Variants in SLC24A3 observed in about 807,000 individuals in gnomAD.
The protein encoded by SLC24A3 is solute carrier family 24 member 3, also known as sodium/potassium/calcium exchanger 3.
SLC24A3 carries 28 observed loss-of-function variants against 75.8 expected under a neutral mutation model. That is an observed-to-expected ratio of 0.37 (90% CI 0.27 to 0.51). The LOEUF is 0.51. SLC24A3 is among the 20% of genes least tolerant of loss of function. The pLI is 0.94. For synonymous variants in SLC24A3, 372 were observed against 334.1 expected, an observed-to-expected ratio of 1.11 and a Z score of -1.24; for missense variants, 663 against 847.8, an observed-to-expected ratio of 0.78 and a Z score of 2.71.
intron 2 of SLC24A3, among the ~76,000 whole-genome samples, chr20:19,340,193 C>T (rs7267777): frequency 0.078 from 11,820 of 152,126 alleles, 1,159 homozygotes; most frequent in African/African-American, 0.23. Flanking sequence ...TTATTAGTAT[C>T]GTACTAATTC....
At chr20:19,679,180 G>A (rs1009251460) in intron 9 of SLC24A3, among the ~76,000 whole-genome samples, 1 of 151,992 alleles carries the variant, frequency 6.6e-6, no homozygotes, top group African/African-American at 2.4e-5. Flanking sequence ...GTAGCAAGCC[G>A]AGATCACGCC....
intron 2 of SLC24A3, among the ~76,000 whole-genome samples, chr20:19,291,197 C>T (rs541281125): frequency 2.6e-5 from 4 of 152,228 alleles, no homozygotes; most frequent in Non-Finnish European, 5.9e-5. Context: ...CTCTCTGACA[C>T]TCCCAGGCCT....
chr20:19,283,095 C>G (rs528307002), intron 2 of SLC24A3: 1 of 152,688 alleles, frequency 6.5e-6, no homozygotes, highest in Non-Finnish European at 1.5e-5. Flanking sequence ...AAAGCAGGTC[C>G]AAAGGGAATA....
chr20:19,567,496 G>A (rs2030977869), intron 3 of SLC24A3, among the ~76,000 whole-genome samples: 1 of 152,148 alleles, frequency 6.6e-6, no homozygotes, highest in Admixed American at 6.5e-5. Flanking sequence ...CAGACACTGG[G>A]ACCTACTTGA....
rs182807974 is a variant in SLC24A3 at position 19,676,895 on chromosome 20, C to T, written c.767+3241C>T. Among the ~76,000 whole-genome samples the T allele has an allele frequency of 4.1e-3, 628 of 152,324 alleles. 1 individual carries two copies. Among genetic ancestry groups the T allele is most frequent in the Middle Eastern group, 0.014 (4 of 294 alleles). On this transcript the variant is annotated intron_variant, in intron 9 of 16. Transcript: ENST00000328041. ...CAGCCCTGACAGCAGAGCCCCCTGC[C>T]ACTGACAGTCATGGGACCTCAGCCA...
At chr20:19,410,937 G>A (rs1366428733) in intron 2 of SLC24A3, among the ~76,000 whole-genome samples, 1 of 152,238 alleles carries the variant, frequency 6.6e-6, no homozygotes, top group Admixed American at 6.5e-5. Context: ...TGTGGTGGGA[G>A]TTGTTTCTGG....
chr20:19,717,105 A>G (rs867292958), intron 15 of SLC24A3, among the ~76,000 whole-genome samples: 2 of 152,176 alleles, frequency 1.3e-5, no homozygotes, highest in Non-Finnish European at 2.9e-5. Context: ...GTTTATTCAT[A>G]TTTTTCCATT....
chr20:19,250,644 C>G (rs1423467151), intron 1 of SLC24A3, among the ~76,000 whole-genome samples: 3 of 152,116 alleles, frequency 2.0e-5, no homozygotes, highest in Non-Finnish European at 2.9e-5. Flanking sequence ...AGTTTTAGAG[C>G]TTTTTAAAAA....
chr20:19,400,897 T>TTTGG (rs1467592925), intron 2 of SLC24A3, among the ~76,000 whole-genome samples: 3 of 152,212 alleles, frequency 2.0e-5, no homozygotes, highest in Non-Finnish European at 4.4e-5. Flanking sequence ...TTTATTTATT[T>TTTGG]TTGGTTGTTT....
intron 2 of SLC24A3, among the ~76,000 whole-genome samples, chr20:19,394,624 A>G (rs942030745): frequency 4.6e-5 from 7 of 152,212 alleles, no homozygotes; most frequent in Non-Finnish European, 8.8e-5. Context: ...CCATGTCACC[A>G]GTCACTAGGG....
intron 1 of SLC24A3, among the ~76,000 whole-genome samples, chr20:19,254,227 C>T (rs1220019767): frequency 3.6e-5 from 5 of 139,664 alleles, no homozygotes; most frequent in African/African-American, 1.1e-4. Flanking sequence ...CATCTACTCC[C>T]GACCCCAGAG....
chr20:19,507,796 C>G (rs1449529536), intron 2 of SLC24A3, among the ~76,000 whole-genome samples: 1 of 152,162 alleles, frequency 6.6e-6, no homozygotes, highest in Non-Finnish European at 1.5e-5. Context: ...ACTGAGCTGT[C>G]CCTCCCAACA....
intron 2 of SLC24A3, among the ~76,000 whole-genome samples, chr20:19,315,293 G>A (rs1984560410): frequency 6.6e-6 from 1 of 152,158 alleles, no homozygotes; most frequent in East Asian, 1.9e-4. Context: ...CAGCAGCCTG[G>A]CAGTGGCCCC....
chr20:19,452,463 AAAGG>A (rs1463605948), intron 2 of SLC24A3, among the ~76,000 whole-genome samples: 1 of 144,772 alleles, frequency 6.9e-6, no homozygotes, highest in East Asian at 2.1e-4. Context: ...GTCCTTAGAG[AAAGG>A]AAGGGAGAAT....
At chr20:19,592,395 A>G (rs765599216) in intron 6 of SLC24A3, among the ~76,000 whole-genome samples, 54 of 152,332 alleles carry the variant, frequency 3.5e-4, no homozygotes, top group Admixed American at 4.6e-4. Context: ...TTATTTCCAT[A>G]GCCAAATCAA....
chr20:19,464,980 T>C (rs931428108), intron 2 of SLC24A3, among the ~76,000 whole-genome samples: 5 of 152,228 alleles, frequency 3.3e-5, no homozygotes, highest in Admixed American at 2.6e-4. Flanking sequence ...GCCTGTACCA[T>C]CCAGTATGAT....
At chr20:19,591,098 T>C (rs558865672) in intron 6 of SLC24A3, among the ~76,000 whole-genome samples, 1 of 152,212 alleles carries the variant, frequency 6.6e-6, no homozygotes, top group African/African-American at 2.4e-5. Flanking sequence ...CCCTGACAGA[T>C]GCTGTTGGTC....
chr20:19,309,532 T>G (rs1450256717), intron 2 of SLC24A3, among the ~76,000 whole-genome samples: 1 of 151,510 alleles, frequency 6.6e-6, no homozygotes, highest in African/African-American at 2.4e-5. Context: ...AGAATCTGCA[T>G]ATTAACTAGC....
intron 3 of SLC24A3, among the ~76,000 whole-genome samples, chr20:19,529,830 T>C (rs1247259261): frequency 6.6e-6 from 1 of 152,186 alleles, no homozygotes; most frequent in East Asian, 1.9e-4. Flanking sequence ...CTTGCTTGCG[T>C]GTGAACCCTC....
Sources: allele counts gnomAD v4.1 joint callset (sites outside exome capture counted in the v4.1 genomes callset), GRCh38; gene constraint gnomAD v4.1.1; transcripts MANE v1.5; gene names NCBI Gene and HGNC (gene_info 2026-07-23, HGNC 2026-07-21).